The following ANO10 variants were observed in gnomAD, a reference collection of about 807,000 sequenced individuals.
ANO10 encodes anoctamin-10.
In ANO10, 77 loss-of-function variants were observed where a neutral mutation model predicts 74.7. The observed-to-expected ratio is 1.03, with a 90% CI of 0.86 to 1.25. The LOEUF is 1.25. ANO10 is among the 50% of genes most tolerant of loss of function. The pLI is 0.00. For synonymous variants in ANO10, 279 were observed against 284.9 expected (o/e 0.98, Z 0.21); for missense variants, 721 against 778.1 (o/e 0.93, Z 0.87).
intron 9 of ANO10, among the ~76,000 whole-genome samples, chr3:43,557,547 A>G (rs2149334096): frequency 6.6e-6 from 1 of 151,848 alleles, no homozygotes; most frequent in Non-Finnish European, 1.5e-5. Flanking sequence ...CATCCTGGCT[A>G]ACATGGTGAA....
chr3:43,667,072 GTTTTTTT>G (rs55764466), intron 1 of ANO10, among the ~76,000 whole-genome samples: 11 of 56,136 alleles, frequency 2.0e-4, no homozygotes, highest in South Asian at 8.2e-4. Flanking sequence ...TACAATGCAT[GTTTTTTT>G]TTTTTTTTTT....
At chr3:43,572,480 TTCTC>T (rs371323155) in intron 7 of ANO10, among the ~76,000 whole-genome samples, 80 of 152,258 alleles carry the variant, frequency 5.3e-4, no homozygotes, top group East Asian at 1.5e-3. Context: ...GTACCTGAGA[TTCTC>T]TCTATCGCAG....
intron 11 of ANO10, among the ~76,000 whole-genome samples, chr3:43,448,840 T>TA (rs2074704857): frequency 6.6e-6 from 1 of 151,898 alleles, no homozygotes; most frequent in Non-Finnish European, 1.5e-5. Flanking sequence ...ATTGTTTGTT[T>TA]ATGGATTGTT....
intron 11 of ANO10, among the ~76,000 whole-genome samples, chr3:43,497,465 T>A (rs906277159): frequency 1.3e-5 from 2 of 152,232 alleles, no homozygotes; most frequent in Non-Finnish European, 2.9e-5. Flanking sequence ...CAGCACACAC[T>A]TTCTGCTCTG....
intron 1 of ANO10, among the ~76,000 whole-genome samples, chr3:43,660,612 T>G (rs1186836892): frequency 6.6e-6 from 1 of 152,162 alleles, no homozygotes; most frequent in South Asian, 2.1e-4. Flanking sequence ...AGACCAAATC[T>G]ATGTTTGATT....
chr3:43,408,549 A>G (rs1204408739), intron 12 of ANO10, among the ~76,000 whole-genome samples: 1 of 152,202 alleles, frequency 6.6e-6, no homozygotes, highest in African/African-American at 2.4e-5. Context: ...AGGTGCATAA[A>G]GATTGTCTGA....
intron 11 of ANO10, among the ~76,000 whole-genome samples, chr3:43,475,636 T>G (rs2149070384): frequency 6.6e-6 from 1 of 152,312 alleles, no homozygotes; most frequent in East Asian, 1.9e-4. Flanking sequence ...TCTTGCTGTG[T>G]TGCCTAGGCT....
chr3:43,402,330 C>T (rs1052419457), intron 12 of ANO10, among the ~76,000 whole-genome samples: 12 of 152,220 alleles, frequency 7.9e-5, no homozygotes, highest in African/African-American at 2.9e-4. Flanking sequence ...TGGGTCTCAT[C>T]TTCTGCCCTC....
At chr3:43,680,080 G>C (rs572193659) in intron 1 of ANO10, among the ~76,000 whole-genome samples, 10 of 152,328 alleles carry the variant, frequency 6.6e-5, no homozygotes, top group Admixed American at 5.2e-4. Flanking sequence ...AACAAAGCTG[G>C]ACAGAGAATG....
chr3:43,385,778 G>A (rs2092098312), intron 12 of ANO10, among the ~76,000 whole-genome samples: 1 of 151,368 alleles, frequency 6.6e-6, no homozygotes, highest in Non-Finnish European at 1.5e-5. Context: ...GGATGGGAGG[G>A]GAGTGAGGGA....
In ANO10 at chr3:43,392,553, C is replaced by T. The variant is rs576608196; in HGVS notation, c.1915-25579G>A. Reference sequence around the variant, plus strand: ...CATTTAACCAGTGCTCTGAACCAGGCTATTTAGGTTGTTTTTAAACCATTG... The same window carrying T: ...CATTTAACCAGTGCTCTGAACCAGGTTATTTAGGTTGTTTTTAAACCATTG... On this transcript the variant is annotated intron_variant, in intron 12 of 12. Transcript: ENST00000292246. Among the ~76,000 whole-genome samples, 5 of 152,330 alleles carry T rather than the reference C, an allele frequency of 3.3e-5. No homozygotes were observed. The East Asian group carries it at 9.6e-4, about 29-fold the overall frequency.
intron 5 of ANO10, among the ~76,000 whole-genome samples, chr3:43,577,832 G>A (rs1177418611): frequency 6.6e-6 from 1 of 152,180 alleles, no homozygotes; most frequent in African/African-American, 2.4e-5. Flanking sequence ...TTCCAGAACA[G>A]CCATGGAACA....
At chr3:43,389,779 A>G (rs926772706) in intron 12 of ANO10, among the ~76,000 whole-genome samples, 20 of 152,214 alleles carry the variant, frequency 1.3e-4, no homozygotes, top group Admixed American at 2.6e-4. Context: ...TCTTATTTTC[A>G]AAAAGGAACT....
intron 1 of ANO10, among the ~76,000 whole-genome samples, chr3:43,675,277 T>C (rs1455368584): frequency 6.6e-6 from 1 of 152,058 alleles, no homozygotes; most frequent in Non-Finnish European, 1.5e-5. Flanking sequence ...ATAAAACTTT[T>C]AGAAAAAAAC....
chr3:43,418,458 C>T (rs1257065705), intron 12 of ANO10, among the ~76,000 whole-genome samples: 1 of 152,212 alleles, frequency 6.6e-6, no homozygotes, highest in Non-Finnish European at 1.5e-5. Flanking sequence ...TGATTTTAGA[C>T]AAATCACATA....
At position 43,485,031 on chromosome 3, in the gene ANO10, C is replaced by A. The variant is rs1465634587; in HGVS notation, c.1798-52304G>T. 3.5e-6 allele frequency: 5 copies of A among 1,439,004 alleles called. No individual in the cohort carries two copies. The African/African-American group carries it at 7.0e-5, about 20-fold the overall frequency. 89.1% of individuals were successfully genotyped at this position (1,439,004 alleles called of 1,614,324 possible). A position where few individuals can be genotyped will look rare whatever the true frequency, so the allele number is the denominator to read the frequency against. On this transcript the variant is annotated intron_variant, in intron 11 of 12. Coordinates refer to ENST00000292246, the MANE Select transcript of ANO10 (RefSeq NM_018075.5). ...CGTGGCTTGTGCTGACGGCTCAGGACCCGGTGGGGCAGCAGGAACTTGATC... is the reference window on the plus strand; with the variant it reads ...CGTGGCTTGTGCTGACGGCTCAGGAACCGGTGGGGCAGCAGGAACTTGATC...
At chr3:43,543,288 T>C (rs1236135402) in intron 11 of ANO10, among the ~76,000 whole-genome samples, 1 of 152,200 alleles carries the variant, frequency 6.6e-6, no homozygotes, top group Non-Finnish European at 1.5e-5. Context: ...ACTAGGAAAA[T>C]AAAGCCTGTG....
intron 7 of ANO10, among the ~76,000 whole-genome samples, chr3:43,568,629 G>A (rs1471218245): frequency 1.3e-5 from 2 of 149,750 alleles, no homozygotes; most frequent in Non-Finnish European, 3.0e-5. Context: ...GATGTTCTTT[G>A]AAACCAACGA....
At chr3:43,541,499 T>C (rs2078952632) in intron 11 of ANO10, among the ~76,000 whole-genome samples, 1 of 152,184 alleles carries the variant, frequency 6.6e-6, no homozygotes, top group Admixed American at 6.5e-5. Flanking sequence ...TTATAAATGA[T>C]ATAATTTTAA....
Sources: gnomAD v4.1 joint callset for allele counts (sites outside exome capture counted in the v4.1 genomes callset) on GRCh38, gnomAD v4.1.1 for gene constraint, MANE v1.5 for transcripts, NCBI Gene and HGNC (gene_info 2026-07-23, HGNC 2026-07-21) for gene names.